The following SAMD13 variants were observed in gnomAD, a reference collection of about 807,000 sequenced individuals.
SAMD13 encodes sterile alpha motif domain-containing protein 13.
SAMD13 carries 9 observed loss-of-function variants against 12.4 expected under a neutral mutation model. The ratio of observed to expected loss-of-function variants is 0.72; its 90% CI spans 0.44 to 1.26. The LOEUF is 1.26. SAMD13 is among the 50% of genes most tolerant of loss of function. The pLI is 0.00. For synonymous variants in SAMD13, 46 were observed against 45.4 expected (o/e 1.01, Z -0.05); for missense variants, 84 against 119.6 (o/e 0.70, Z 1.39).
intron 3 of SAMD13, among the ~76,000 whole-genome samples, chr1:84,337,526 G>A (rs887625964): frequency 2.0e-5 from 3 of 152,168 alleles, no homozygotes; most frequent in South Asian, 2.1e-4. Context: ...CTGGGACACA[G>A]GGCACCAGTC....
chr1:84,317,299 G>T (rs564467419), intron 2 of SAMD13, among the ~76,000 whole-genome samples: 1 of 151,982 alleles, frequency 6.6e-6, no homozygotes, highest in African/African-American at 2.4e-5. Context: ...TAATGGAAAA[G>T]TTTTCAGTTT....
At chr1:84,317,129 A>G (rs2101798254) in intron 2 of SAMD13, among the ~76,000 whole-genome samples, 1 of 152,076 alleles carries the variant, frequency 6.6e-6, no homozygotes, top group East Asian at 1.9e-4. Context: ...TTCTCTATAT[A>G]AGATCATATC....
rs57599932 is a variant in SAMD13, at chr1:84,319,624, G to GA, written c.54-5996dup. 8.0e-3 allele frequency among the ~76,000 whole-genome samples: 620 copies of GA among 77,776 alleles called. 2 individuals carry two copies. Among genetic ancestry groups the GA allele is most frequent in the Non-Finnish European group, 0.013 (384 of 30,342 alleles). The allele number at this position is 77,776 out of a possible 152,430, so 51.0% of individuals were successfully genotyped here. ...CGCTCCAGCCTGGGTGACAGGAAAA[G>GA]AAAAAAAAAAAAAAAAAGGAGCATT... On this transcript the variant is annotated intron_variant, in intron 2 of 3. Transcript: ENST00000394834.
chr1:84,326,879 G>T (rs1329994298), intron 3 of SAMD13, among the ~76,000 whole-genome samples: 1 of 152,024 alleles, frequency 6.6e-6, no homozygotes, highest in Non-Finnish European at 1.5e-5. Flanking sequence ...CTTGATCTTT[G>T]TACATAAGTA....
At chr1:84,306,824 G>A (rs925826975) in intron 2 of SAMD13, among the ~76,000 whole-genome samples, 12 of 99,320 alleles carry the variant, frequency 1.2e-4, no homozygotes, top group South Asian at 4.3e-4. Flanking sequence ...GTGAGACTCC[G>A]TCTCAAAATA....
intron 2 of SAMD13, among the ~76,000 whole-genome samples, chr1:84,315,443 A>G (rs561726273): frequency 6.6e-6 from 1 of 152,266 alleles, no homozygotes; most frequent in East Asian, 1.9e-4. Context: ...GTTAAATAAT[A>G]TCTCATTGTA....
At chr1:84,309,098 A>G (rs1208284899) in intron 2 of SAMD13, among the ~76,000 whole-genome samples, 1 of 152,202 alleles carries the variant, frequency 6.6e-6, no homozygotes, top group Non-Finnish European at 1.5e-5. Context: ...TAAACTATAT[A>G]TATTGCAAAC....
intron 2 of SAMD13, among the ~76,000 whole-genome samples, chr1:84,306,301 A>ATTTTTTTTTTTTTTTTTTTTTTTTT (rs1257251294): frequency 6.6e-6 from 1 of 152,052 alleles, no homozygotes; most frequent in African/African-American, 2.4e-5. Context: ...AATACAATTG[A>ATTTTTTTTTTTTTTTTTTTTTTTTT]TTTTTTATAT....
At chr1:84,349,564 C>T in intron 3 of SAMD13, 67 bp from the exon 4 acceptor site, 1 of 1,552,288 alleles carries the variant, frequency 6.4e-7, no homozygotes, top group Non-Finnish European at 8.7e-7. Context: ...TCTGAACTTC[C>T]TTTTGTCTTC....
At chr1:84,329,498 C>T (rs750363085) in intron 3 of SAMD13, among the ~76,000 whole-genome samples, 3 of 152,102 alleles carry the variant, frequency 2.0e-5, no homozygotes, top group Non-Finnish European at 2.9e-5. Flanking sequence ...TTTCTAGCAG[C>T]GTGACCTCTT....
upstream of SAMD13, among the ~76,000 whole-genome samples, chr1:84,299,111 GGCTCGGTGAGGTCGGCCCT>G (rs1248071177): frequency 6.6e-6 from 1 of 151,980 alleles, no homozygotes; most frequent in Non-Finnish European, 1.5e-5. Flanking sequence ...CGCCATTCCC[GGCTCGGTGAGGTCGGCCCT>G]GCCCTCGGGC....
chr1:84,322,624 A>AT (rs921633430), intron 2 of SAMD13, among the ~76,000 whole-genome samples: 6 of 152,074 alleles, frequency 3.9e-5, no homozygotes, highest in East Asian at 1.9e-4. Context: ...GTCTAATGTG[A>AT]TTTTTTTCCT....
intron 3 of SAMD13, among the ~76,000 whole-genome samples, chr1:84,339,947 C>T (rs1046667689): frequency 3.9e-5 from 6 of 152,132 alleles, no homozygotes; most frequent in Admixed American, 2.0e-4. Context: ...CAAAAGAATA[C>T]GGAGGAGCAA....
intron 2 of SAMD13, among the ~76,000 whole-genome samples, chr1:84,311,343 A>G (rs1678706840): frequency 1.3e-5 from 2 of 149,000 alleles, no homozygotes; most frequent in Non-Finnish European, 3.0e-5. Context: ...AAAAAAAAAA[A>G]AAAAAAAGAA....
In SAMD13 at chr1:84,340,726, C is replaced by T. The variant is rs536438135; in HGVS notation, c.166-8905C>T. Reference sequence around the variant, plus strand: ...GGGTTCTCTTCCTCTGAGTTGGGAGCATAGGTGAAGTTGTGTACAGATATA... The same window carrying T: ...GGGTTCTCTTCCTCTGAGTTGGGAGTATAGGTGAAGTTGTGTACAGATATA... On this transcript the variant is annotated intron_variant, in intron 3 of 3. Coordinates refer to ENST00000394834, the MANE Select transcript of SAMD13 (RefSeq NM_001134663.2). Among the ~76,000 whole-genome samples, 115 of 152,182 alleles carry T rather than the reference C, an allele frequency of 7.6e-4. 1 individual carries two copies. The highest frequency in any genetic ancestry group is 2.5e-3 in the African/African-American group (104 of 41,536).
At chr1:84,305,348 C>T (rs979861416) in intron 2 of SAMD13, among the ~76,000 whole-genome samples, 2 of 151,910 alleles carry the variant, frequency 1.3e-5, no homozygotes, top group African/African-American at 2.4e-5. Context: ...ATATTTGTAT[C>T]GGGTTTTTTC....
At chr1:84,347,360 A>G (rs1384294716) in intron 3 of SAMD13, among the ~76,000 whole-genome samples, 1 of 152,224 alleles carries the variant, frequency 6.6e-6, no homozygotes, top group Non-Finnish European at 1.5e-5. Flanking sequence ...TGTCTACTGA[A>G]CAAAGGGAAA....
chr1:84,329,906 G>A (rs949995549), intron 3 of SAMD13, among the ~76,000 whole-genome samples: 4 of 152,168 alleles, frequency 2.6e-5, no homozygotes, highest in African/African-American at 9.7e-5. Context: ...ACCATGTAGG[G>A]AGTCTGGCGT....
intron 3 of SAMD13, among the ~76,000 whole-genome samples, chr1:84,339,749 C>T (rs753831524): frequency 1.3e-5 from 2 of 152,110 alleles, no homozygotes; most frequent in Non-Finnish European, 2.9e-5. Context: ...GAGTGGGAGG[C>T]AGGCCAGTAA....
Sources: allele counts gnomAD v4.1 joint callset (sites outside exome capture counted in the v4.1 genomes callset), GRCh38; gene constraint gnomAD v4.1.1; transcripts MANE v1.5; gene names NCBI Gene and HGNC (gene_info 2026-07-23, HGNC 2026-07-21).